NREP: variants seen among roughly 807,000 people sequenced by gnomAD.
NREP encodes the protein neuronal regeneration related protein, also known as neuronal regeneration-related protein.
In NREP, 5 loss-of-function variants were observed where a neutral mutation model predicts 8.6. The ratio of observed to expected loss-of-function variants is 0.58; its 90% confidence interval spans 0.30 to 1.22. NREP has a LOEUF of 1.22. Among genes scored for constraint, NREP ranks in the 50% most tolerant of loss-of-function variants. The probability of loss-of-function intolerance (pLI) is 0.07; values close to 1 mark genes in which losing one functional copy is unlikely to be tolerated. For synonymous variants in NREP, 27 were observed against 28.0 expected (o/e 0.96, Z 0.11); for missense variants, 86 against 82.5 (o/e 1.04, Z -0.17).
At chr5:111,804,392 CTT>C (rs534801651) in intron 2 of NREP, among the ~76,000 whole-genome samples, 362 of 152,172 alleles carry the variant, frequency 2.4e-3, no homozygotes, top group African/African-American at 8.1e-3. Flanking sequence ...TGATCGCAAT[CTT>C]AACATAAAAT....
upstream of NREP, among the ~76,000 whole-genome samples, chr5:111,759,284 A>G (rs1004429781): frequency 1.3e-5 from 2 of 152,352 alleles, no homozygotes; most frequent in Non-Finnish European, 2.9e-5. Context: ...TATCCCAGTG[A>G]TATTTGTTCA....
chr5:111,858,540 C>G (rs927935774), intron 2 of NREP, among the ~76,000 whole-genome samples: 2 of 152,110 alleles, frequency 1.3e-5, no homozygotes, highest in African/African-American at 4.8e-5. Context: ...AATCCCAGCA[C>G]TTGGGGAGTC....
chr5:111,942,310 T>G (rs912143894), intron 2 of NREP, among the ~76,000 whole-genome samples: 15 of 152,008 alleles, frequency 9.9e-5, no homozygotes, highest in Admixed American at 5.9e-4. Context: ...TTTTCTCACT[T>G]AAAAAAATCT....
At chr5:111,842,031 T>C (rs187291348) in intron 2 of NREP, among the ~76,000 whole-genome samples, 8 of 152,280 alleles carry the variant, frequency 5.3e-5, no homozygotes, top group Admixed American at 5.2e-4. Context: ...TTGAGTGCTA[T>C]ACTTTCTTGT....
chr5:111,772,390 A>G (rs1176866009), intron 2 of NREP, among the ~76,000 whole-genome samples: 7 of 152,162 alleles, frequency 4.6e-5, no homozygotes, highest in Non-Finnish European at 7.3e-5. Flanking sequence ...GTTTCACTAA[A>G]TTTATAGAAA....
At chr5:111,761,284 T>A (rs959500078), upstream of NREP, among the ~76,000 whole-genome samples, 4 of 152,322 alleles carry the variant, frequency 2.6e-5, no homozygotes, top group Admixed American at 6.5e-5. Context: ...TGGCCTCATG[T>A]CTTGTCCTCT....
intron 2 of NREP, among the ~76,000 whole-genome samples, chr5:111,809,881 GTGT>G (rs1752232415): frequency 6.8e-6 from 1 of 146,920 alleles, no homozygotes; most frequent in Non-Finnish European, 1.5e-5. Context: ...GTGTGTGTGT[GTGT>G]GTGTGTGTGT....
intron 2 of NREP, among the ~76,000 whole-genome samples, chr5:111,750,741 A>ACCC (rs1211049242): frequency 6.6e-6 from 1 of 152,236 alleles, no homozygotes; most frequent in African/African-American, 2.4e-5. Context: ...TACTGGGAGT[A>ACCC]AAGCTCCTCT....
At chr5:111,792,543 A>G (rs1289239787) in intron 2 of NREP, among the ~76,000 whole-genome samples, 1 of 152,218 alleles carries the variant, frequency 6.6e-6, no homozygotes, top group Non-Finnish European at 1.5e-5. Flanking sequence ...CCAAATAACA[A>G]CTAGGATTTT....
chr5:111,753,658 A>G (rs17133719), intron 2 of NREP, among the ~76,000 whole-genome samples: 32,038 of 151,948 alleles, frequency 0.21, 3,552 homozygotes, highest in East Asian at 0.38. Context: ...AACTGGAAAT[A>G]CAAGTTTAAC....
Position 111,829,686 on chromosome 5 carries a change from G to A in NREP, c.136-94179C>T, listed in dbSNP as rs533348460. On this transcript the variant is annotated intron_variant, in intron 2 of 3. Transcript: ENST00000395634. ...GTAAATACCTGGTATCTGACTCTCA[G>A]TCTAGACTTTACCTGAACTCAATCT... 2.6e-5 allele frequency among the ~76,000 whole-genome samples: 4 copies of A among 152,264 alleles called. No homozygotes were observed. In the South Asian group the frequency reaches 8.3e-4, roughly 32 times the overall value.
Position 111,840,615 on chromosome 5 carries a change from T to C in NREP, c.136-105108A>G, listed in dbSNP as rs543221081. Among the ~76,000 whole-genome samples, 4 of 152,222 alleles carry C rather than the reference T, an allele frequency of 2.6e-5. No individual in the cohort carries two copies. In the South Asian group the frequency reaches 8.3e-4, roughly 32 times the overall value. On this transcript the variant is annotated intron_variant, in intron 2 of 3. Transcript: ENST00000395634. ...TCATGCAACCTATAAGAGGCACAGGTTAGATTAGCTTAAGTCAGTCACTCT... is the reference window on the plus strand; with the variant it reads ...TCATGCAACCTATAAGAGGCACAGGCTAGATTAGCTTAAGTCAGTCACTCT...
intron 2 of NREP, among the ~76,000 whole-genome samples, chr5:111,859,113 A>C (rs1022270694): frequency 2.0e-5 from 3 of 152,146 alleles, no homozygotes; most frequent in African/African-American, 7.2e-5. Context: ...TGAATTGTTG[A>C]GACTGAAGAA....
chr5:111,806,369 A>G (rs1004221245), intron 2 of NREP, among the ~76,000 whole-genome samples: 1 of 152,094 alleles, frequency 6.6e-6, no homozygotes, highest in Non-Finnish European at 1.5e-5. Flanking sequence ...CTGGAGATTC[A>G]TGTGGTTTTA....
At chr5:111,882,277 A>G (rs1754101013) in intron 2 of NREP, among the ~76,000 whole-genome samples, 1 of 152,228 alleles carries the variant, frequency 6.6e-6, no homozygotes, top group Admixed American at 6.5e-5. Context: ...GGAAGTTTAG[A>G]GAAAAAAGAA....
upstream of NREP, among the ~76,000 whole-genome samples, chr5:111,759,955 C>T (rs1465217768): frequency 6.6e-6 from 1 of 152,164 alleles, no homozygotes; most frequent in East Asian, 1.9e-4. Flanking sequence ...CTAACCTTAT[C>T]ATCTCTCTCT....
chr5:111,805,924 T>G (rs1752130511), intron 2 of NREP, among the ~76,000 whole-genome samples: 1 of 152,172 alleles, frequency 6.6e-6, no homozygotes, highest in African/African-American at 2.4e-5. Context: ...ATATTTTAAA[T>G]GTTCTCATCA....
chr5:111,966,467 A>T (rs1756646424), intron 2 of NREP, among the ~76,000 whole-genome samples: 1 of 152,200 alleles, frequency 6.6e-6, no homozygotes. Context: ...AAGAGAAACT[A>T]CTAACAGAAG....
intron 2 of NREP, among the ~76,000 whole-genome samples, chr5:111,831,205 ACAT>A (rs1752759387): frequency 1.3e-5 from 2 of 152,152 alleles, no homozygotes; most frequent in South Asian, 4.2e-4. Context: ...CACTTTACTG[ACAT>A]GGCTACTGGG....
Sources: gnomAD v4.1 joint callset for allele counts (sites outside exome capture counted in the v4.1 genomes callset) on GRCh38, gnomAD v4.1.1 for gene constraint, MANE v1.5 for transcripts, NCBI Gene and HGNC (gene_info 2026-07-23, HGNC 2026-07-21) for gene names.